The following MORC1 variants were observed in gnomAD, a reference collection of about 807,000 sequenced individuals.
MORC1 encodes the protein MORC family CW-type zinc finger protein 1.
In MORC1, 59 loss-of-function variants were observed where a neutral mutation model predicts 134.9. The observed-to-expected ratio is 0.44, with a 90% confidence interval of 0.35 to 0.54. MORC1 has a LOEUF of 0.54. MORC1 is among the 20% of genes least tolerant of loss of function. The pLI is 0.00. For missense variants in MORC1, 947 were observed against 1,134.5 expected (o/e 0.83, Z 2.37); for synonymous variants, 395 against 391.7 (o/e 1.01, Z -0.10).
intron 23 of MORC1, 31 bp downstream of exon 23, chr3:108,984,685 C>T (rs1187595523): frequency 1.3e-6 from 2 of 1,484,042 alleles, no homozygotes; most frequent in Non-Finnish European, 1.8e-6. Context: ...ATTGCACTCA[C>T]TTGGAATTTG....
chr3:109,021,613 A>T (rs3792349), intron 17 of MORC1, among the ~76,000 whole-genome samples: 31,027 of 152,136 alleles, frequency 0.2, 3,508 homozygotes, highest in Middle Eastern at 0.33. Context: ...TGGCAAAATA[A>T]AGTTGCTTAT....
intron 14 of MORC1, 115 bp downstream of exon 14, chr3:109,054,613 C>G: frequency 2.1e-6 from 2 of 969,416 alleles, no homozygotes; most frequent in Admixed American, 6.2e-5. Flanking sequence ...CAGGAGCTCC[C>G]TTTCAGAGTT....
intron 9 of MORC1, among the ~76,000 whole-genome samples, chr3:109,068,884 A>G (rs56084363): frequency 0.16 from 23,745 of 152,178 alleles, 2,038 homozygotes; most frequent in African/African-American, 0.22. Context: ...GGCCAAGTGC[A>G]GTGGCTCACG....
intron 14 of MORC1, among the ~76,000 whole-genome samples, chr3:109,036,449 A>C (rs1222779139): frequency 1.3e-5 from 2 of 152,112 alleles, no homozygotes; most frequent in Non-Finnish European, 2.9e-5. Context: ...AAGGGAAAAT[A>C]CTTTTACTTT....
At chr3:109,034,508 A>ACCTAAAACC (rs775681336) in intron 15 of MORC1, among the ~76,000 whole-genome samples, 69 of 152,176 alleles carry the variant, frequency 4.5e-4, no homozygotes, top group South Asian at 4.1e-4. Flanking sequence ...TTATCCTGAC[A>ACCTAAAACC]TTCAAGAATC....
At chr3:109,109,889 T>TTTGC (rs755773075) in intron 3 of MORC1, 2 of 152,346 alleles carry the variant, frequency 1.3e-5, no homozygotes, top group East Asian at 3.9e-4. Context: ...TGCAAGTCCA[T>TTTGC]TTGCTCTCTC....
At chr3:108,960,879 G>C (rs1947062720) in intron 27 of MORC1, among the ~76,000 whole-genome samples, 1 of 152,164 alleles carries the variant, frequency 6.6e-6, no homozygotes, top group Non-Finnish European at 1.5e-5. Context: ...GCATTGACAT[G>C]GTTAAATTCC....
chr3:108,983,505 T>C (rs1312801864), intron 23 of MORC1, among the ~76,000 whole-genome samples: 1 of 151,686 alleles, frequency 6.6e-6, no homozygotes, highest in African/African-American at 2.4e-5. Flanking sequence ...TTAGATGGAG[T>C]TGTCAGAGAA....
chr3:109,084,963 G>T (rs1950588851), intron 8 of MORC1, among the ~76,000 whole-genome samples: 1 of 152,080 alleles, frequency 6.6e-6, no homozygotes. Context: ...AATGAAACTA[G>T]ACCCCTATCT....
intron 17 of MORC1, among the ~76,000 whole-genome samples, chr3:109,018,466 C>T (rs56118716): frequency 0.25 from 38,119 of 151,752 alleles, 5,000 homozygotes; most frequent in Middle Eastern, 0.43. Context: ...AAACTAGTCT[C>T]ATCTTCCCCT....
chr3:109,083,824 G>A (rs866243385), intron 8 of MORC1, among the ~76,000 whole-genome samples: 1 of 152,136 alleles, frequency 6.6e-6, no homozygotes, highest in Non-Finnish European at 1.5e-5. Context: ...TATCAAATGA[G>A]ATTCATCCCA....
At chr3:109,052,289 A>G (rs577289644) in intron 14 of MORC1, among the ~76,000 whole-genome samples, 87 of 152,314 alleles carry the variant, frequency 5.7e-4, no homozygotes, top group African/African-American at 2.0e-3. Context: ...ATACATGTGG[A>G]AAAAGATATG....
At position 109,027,787 on chromosome 3, in the gene MORC1, T is replaced by A; in HGVS notation, c.1668A>T (p.Ile556=). Residue 556 remains isoleucine (I), a synonymous_variant, in exon 17 of 28, where the codon ATA becomes ATT. Transcript: ENST00000232603. ...EKEKQLRESV[I]KYQNRLAEQQ... ...GTTCTGCCAGTCTATTTTGATACTT[T>A]ATGACCGACTCTCTAAGTTGCTTCT... 1 of 1,613,934 alleles carries A rather than the reference T, an allele frequency of 6.2e-7. No individual in the cohort carries two copies. Among genetic ancestry groups the A allele is most frequent in the East Asian group, 2.2e-5 (1 of 44,860 alleles).
In MORC1 at chr3:109,032,869, A is replaced by G. The variant is rs746142920; in HGVS notation, c.1460-44T>C. The G allele has an allele frequency of 1.7e-5, 21 of 1,243,790 alleles. No homozygotes were observed. In the Admixed American group the frequency reaches 3.7e-4, roughly 22 times the overall value. 77.0% of individuals were successfully genotyped at this position (1,243,790 alleles called of 1,614,324 possible). ...TGACACAGAAAAGAGATCAGAAATGAATCTATCATAGTAAGATGTCAGTTT... is the reference window on the plus strand; with the variant it reads ...TGACACAGAAAAGAGATCAGAAATGGATCTATCATAGTAAGATGTCAGTTT... On this transcript the variant is annotated intron_variant, in intron 15 of 27. Coordinates refer to ENST00000232603, the MANE Select transcript of MORC1 (RefSeq NM_014429.4).
chr3:109,052,720 T>C (rs973985350), intron 14 of MORC1, among the ~76,000 whole-genome samples: 2 of 152,218 alleles, frequency 1.3e-5, no homozygotes, highest in South Asian at 4.1e-4. Context: ...ATATTTTTAA[T>C]GTACATGAAT....
At chr3:108,995,564 T>C (rs1429832611) in intron 21 of MORC1, among the ~76,000 whole-genome samples, 1 of 152,184 alleles carries the variant, frequency 6.6e-6, no homozygotes, top group Non-Finnish European at 1.5e-5. Context: ...AGAGTGATAA[T>C]CTTGGACAAG....
intron 21 of MORC1, among the ~76,000 whole-genome samples, chr3:108,996,275 T>TGCGCGTGCGCGC (rs142068141): frequency 2.5e-5 from 3 of 121,800 alleles, no homozygotes; most frequent in African/African-American, 8.4e-5. Flanking sequence ...TGCGCGTGCG[T>TGCGCGTGCGCGC]GCGCGCGCGC....
chr3:108,995,798 A>G (rs1391254709), intron 21 of MORC1, among the ~76,000 whole-genome samples: 1 of 152,210 alleles, frequency 6.6e-6, no homozygotes, highest in African/African-American at 2.4e-5. Flanking sequence ...TTGGTCTTTT[A>G]AAATTGATTC....
At chr3:108,959,429 T>C (rs1273807596) in intron 27 of MORC1, among the ~76,000 whole-genome samples, 2 of 152,202 alleles carry the variant, frequency 1.3e-5, no homozygotes, top group African/African-American at 2.4e-5. Context: ...TTCTTTGTTA[T>C]AGACTGTAAT....
Sources: gnomAD v4.1 joint callset for allele counts (sites outside exome capture counted in the v4.1 genomes callset) on GRCh38, gnomAD v4.1.1 for gene constraint, MANE v1.5 for transcripts, NCBI Gene and HGNC (gene_info 2026-07-23, HGNC 2026-07-21) for gene names.